The following ETV6 variants were observed in gnomAD, a reference collection of about 807,000 sequenced individuals.
The protein encoded by ETV6 is ETS variant transcription factor 6.
A neutral mutation model predicts 51.1 loss-of-function variants in ETV6; 16 were observed. The ratio of observed to expected loss-of-function variants is 0.31; its 90% confidence interval spans 0.21 to 0.48. The LOEUF (loss-of-function observed/expected upper bound fraction) is 0.48, where lower values mean the gene tolerates loss of function less well. Among genes scored for constraint, ETV6 ranks in the 20% least tolerant of loss-of-function variants. The pLI is 0.99. For synonymous variants in ETV6, 240 were observed against 224.1 expected, an observed-to-expected ratio of 1.07 and a Z score of -0.64; for missense variants, 458 against 594.8, an observed-to-expected ratio of 0.77 and a Z score of 2.39.
chr12:11,695,617 C>T (rs1388092285), intron 1 of ETV6, among the ~76,000 whole-genome samples: 3 of 152,232 alleles, frequency 2.0e-5, no homozygotes, highest in African/African-American at 7.2e-5. Context: ...CGGGTTTCAT[C>T]TGTTAGTTCT....
At chr12:11,767,376 G>C (rs1403579923) in intron 2 of ETV6, among the ~76,000 whole-genome samples, 1 of 152,202 alleles carries the variant, frequency 6.6e-6, no homozygotes, top group Admixed American at 6.5e-5. Context: ...CTGAAATATA[G>C]TATTAGGCTA....
chr12:11,825,336 T>A (rs1946136698), intron 2 of ETV6, among the ~76,000 whole-genome samples: 1 of 152,216 alleles, frequency 6.6e-6, no homozygotes, highest in Admixed American at 6.5e-5. Flanking sequence ...GGAAATTTTT[T>A]AAAGAAGAAA....
chr12:11,883,184 T>C (rs2136589547), intron 5 of ETV6, among the ~76,000 whole-genome samples: 1 of 149,312 alleles, frequency 6.7e-6, no homozygotes, highest in Middle Eastern at 3.5e-3. Context: ...CCCAGCTGCC[T>C]CTCCAGGTTC....
In ETV6 at chr12:11,891,108, C is replaced by T. The variant is rs72550783; in HGVS notation, c.*62C>T. On this transcript the variant is annotated 3_prime_UTR_variant, in exon 8 of 8. Coordinates refer to ENST00000396373, the MANE Select transcript of ETV6 (RefSeq NM_001987.5). ...AGGGAACCCCTGCCCACCAGGATTG[C>T]TGGAAGTGTGACGGAGCAGGCGGGC... The T allele has an allele frequency of 3.8e-4, 516 of 1,352,952 alleles. 4 individuals are homozygous for T. The African/African-American group carries it at 6.6e-3, about 17-fold the overall frequency. The allele number at this position is 1,352,952 out of a possible 1,614,324, so 83.8% of individuals were successfully genotyped here.
At chr12:11,687,472 C>T (rs561853289) in intron 1 of ETV6, among the ~76,000 whole-genome samples, 3 of 152,116 alleles carry the variant, frequency 2.0e-5, no homozygotes, top group Non-Finnish European at 4.4e-5. Context: ...GTGACCCGCA[C>T]CCAGCGCCAC....
chr12:11,895,079 G>A lies in ETV6; in HGVS notation c.*4033G>A. ...AACCTGATACTCTTTTGACCCAACT[G>A]CATCAACACTAAACAGCTGCAGACC... On this transcript the variant is annotated 3_prime_UTR_variant, in exon 8 of 8. Coordinates refer to ENST00000396373, the MANE Select transcript of ETV6 (RefSeq NM_001987.5). 4.3e-6 allele frequency: 1 copy of A among 230,216 alleles called. No homozygotes were observed. Among genetic ancestry groups the A allele is most frequent in the Non-Finnish European group, 8.6e-6 (1 of 115,942 alleles). 14.3% of individuals were successfully genotyped at this position (230,216 alleles called of 1,614,324 possible). A position where few individuals can be genotyped will look rare whatever the true frequency, so the allele number is the denominator to read the frequency against.
At chr12:11,704,653 C>T (rs1348441945) in intron 1 of ETV6, among the ~76,000 whole-genome samples, 1 of 152,050 alleles carries the variant, frequency 6.6e-6, no homozygotes, top group African/African-American at 2.4e-5. Context: ...GCCTCCAAGC[C>T]CTTTCTTTTA....
intron 1 of ETV6, among the ~76,000 whole-genome samples, chr12:11,653,783 T>A (rs1863950295): frequency 6.6e-6 from 1 of 152,114 alleles, no homozygotes. Flanking sequence ...TGTCCTCAAA[T>A]GCTTATTAAT....
At chr12:11,744,686 G>A (rs1865874653) in intron 1 of ETV6, among the ~76,000 whole-genome samples, 1 of 152,128 alleles carries the variant, frequency 6.6e-6, no homozygotes, top group Non-Finnish European at 1.5e-5. Context: ...ATCATGGCAG[G>A]GATTAGAGGT....
At chr12:11,861,513 C>T (rs1946717417) in intron 4 of ETV6, among the ~76,000 whole-genome samples, 3 of 152,212 alleles carry the variant, frequency 2.0e-5, no homozygotes, top group Non-Finnish European at 4.4e-5. Flanking sequence ...AGGGACCCCT[C>T]ACCCTTCCTG....
At chr12:11,875,058 A>T (rs182539782) in intron 5 of ETV6, among the ~76,000 whole-genome samples, 2 of 151,622 alleles carry the variant, frequency 1.3e-5, no homozygotes, top group East Asian at 3.9e-4. Context: ...AAAAAAAAAG[A>T]TACATGCAAA....
At chr12:11,673,953 T>C (rs1864367232) in intron 1 of ETV6, among the ~76,000 whole-genome samples, 1 of 152,182 alleles carries the variant, frequency 6.6e-6, no homozygotes, top group Admixed American at 6.5e-5. Flanking sequence ...TTGAAGCAAG[T>C]AAAGTTTTTA....
chr12:11,756,451 C>T lies in ETV6; in HGVS notation c.163+3872C>T, dbSNP rs565469983. Among the ~76,000 whole-genome samples, 7 of 152,012 alleles carry T rather than the reference C, an allele frequency of 4.6e-5. No homozygotes were observed. The South Asian group carries it at 1.2e-3, about 27-fold the overall frequency. ...TTTTGAAGCTTGAGGGTAGAAGAGCCGAAGTACAATTACAGTAGACAGGTG... is the reference window on the plus strand; with the variant it reads ...TTTTGAAGCTTGAGGGTAGAAGAGCTGAAGTACAATTACAGTAGACAGGTG... On this transcript the variant is annotated intron_variant, in intron 2 of 7. Coordinates refer to ENST00000396373, the MANE Select transcript of ETV6 (RefSeq NM_001987.5).
Position 11,784,392 on chromosome 12 carries a change from G to A in ETV6, c.163+31813G>A, listed in dbSNP as rs533964389. On this transcript the variant is annotated intron_variant, in intron 2 of 7. Coordinates refer to ENST00000396373, the MANE Select transcript of ETV6 (RefSeq NM_001987.5). ...GAAGATTGCTTGAACCCTGGAGGCG[G>A]AGGTTGCAGTGAGCCGAGATCACGC... is the stretch of plus-strand genomic sequence containing the variant. Among the ~76,000 whole-genome samples, 4 of 151,852 alleles carry A rather than the reference G, an allele frequency of 2.6e-5. No homozygotes were observed. In the East Asian group the frequency reaches 5.8e-4, roughly 22 times the overall value.
In ETV6 at chr12:11,880,053, G is replaced by GA. The variant is rs1024611397; in HGVS notation, c.1010-4384dup. ...TGTTTAAAAAAAAAAAAAAAAAAAG[G>GA]AAAAAAAATCTATTGTGTGGTCAGG... On this transcript the variant is annotated intron_variant, in intron 5 of 7. Coordinates refer to ENST00000396373, the MANE Select transcript of ETV6 (RefSeq NM_001987.5). 4.9e-3 allele frequency among the ~76,000 whole-genome samples: 609 copies of GA among 123,278 alleles called. 6 individuals carry two copies. Among genetic ancestry groups the GA allele is most frequent in the Non-Finnish European group, 8.3e-3 (470 of 56,538 alleles). 80.9% of individuals were successfully genotyped at this position (123,278 alleles called of 152,430 possible). A position where few individuals can be genotyped will look rare whatever the true frequency, so the allele number is the denominator to read the frequency against.
chr12:11,736,669 T>C (rs1196335301), intron 1 of ETV6, among the ~76,000 whole-genome samples: 2 of 152,150 alleles, frequency 1.3e-5, no homozygotes, highest in African/African-American at 4.8e-5. Flanking sequence ...ACTTGGAACA[T>C]ACTGGAATAA....
At chr12:11,823,846 C>T (rs1315326620) in intron 2 of ETV6, among the ~76,000 whole-genome samples, 1 of 152,186 alleles carries the variant, frequency 6.6e-6, no homozygotes, top group Non-Finnish European at 1.5e-5. Context: ...TTCAGCCCCC[C>T]TTGACTGCCA....
intron 1 of ETV6, among the ~76,000 whole-genome samples, chr12:11,744,333 A>G (rs1200668263): frequency 6.6e-6 from 1 of 152,226 alleles, no homozygotes; most frequent in Non-Finnish European, 1.5e-5. Flanking sequence ...AAAGAGCTGA[A>G]CTTGGCCACT....
At chr12:11,669,389 CCCTCCTTT>C (rs1565479834) in intron 1 of ETV6, among the ~76,000 whole-genome samples, 3 of 138,714 alleles carry the variant, frequency 2.2e-5, no homozygotes, top group Admixed American at 7.4e-5. Flanking sequence ...CTCCCTCCCT[CCCTCCTTT>C]CCTCCTTTCC....
Sources: allele counts gnomAD v4.1 joint callset (sites outside exome capture counted in the v4.1 genomes callset), GRCh38; gene constraint gnomAD v4.1.1; transcripts MANE v1.5; gene names NCBI Gene and HGNC (gene_info 2026-07-23, HGNC 2026-07-21).